The following GSE1 variants were observed in gnomAD, a reference collection of about 807,000 sequenced individuals.
GSE1 encodes the protein genetic suppressor element 1.
In GSE1, 32 loss-of-function variants were observed where a neutral mutation model predicts 112.6. That is an observed-to-expected ratio of 0.28 (90% CI 0.21 to 0.38). The LOEUF (loss-of-function observed/expected upper bound fraction) is 0.38, where lower values mean the gene tolerates loss of function less well. Among genes scored for constraint, GSE1 ranks in the 10% least tolerant of loss-of-function variants. The pLI, the probability that GSE1 is intolerant of heterozygous loss-of-function variation, is 1.00. For synonymous variants in GSE1, 1,115 were observed against 735.6 expected, an observed-to-expected ratio of 1.52 and a Z score of -8.35; for missense variants, 2,348 against 1,699.2, an observed-to-expected ratio of 1.38 and a Z score of -6.71.
chr16:85,376,145 C>A (rs1007359130), intron 2 of GSE1, among the ~76,000 whole-genome samples: 1 of 152,196 alleles, frequency 6.6e-6, no homozygotes, highest in Non-Finnish European at 1.5e-5. Flanking sequence ...TCTCTCTTTT[C>A]ATCCCCAGCC....
At chr16:85,644,580 G>C (rs546098150) in intron 2 of GSE1, among the ~76,000 whole-genome samples, 1 of 152,284 alleles carries the variant, frequency 6.6e-6, no homozygotes, top group African/African-American at 2.4e-5. Flanking sequence ...CCACGCGGTG[G>C]GATTCCCTTG....
chr16:85,461,003 G>A (rs879635260), intron 2 of GSE1, among the ~76,000 whole-genome samples: 2 of 152,238 alleles, frequency 1.3e-5, no homozygotes, highest in African/African-American at 2.4e-5. Context: ...ACGGCAGCCA[G>A]CCGGGTGGGA....
intron 1 of GSE1, among the ~76,000 whole-genome samples, chr16:85,342,384 G>A (rs2046642444): frequency 6.6e-6 from 1 of 152,306 alleles, no homozygotes; most frequent in East Asian, 1.9e-4. Context: ...TAATAGTCTA[G>A]TGATCACTTT....
intron 2 of GSE1, among the ~76,000 whole-genome samples, chr16:85,508,325 C>T (rs1376530103): frequency 2.0e-5 from 3 of 152,192 alleles, no homozygotes; most frequent in South Asian, 2.1e-4. Context: ...GGAGCCACCA[C>T]GCCCGGCCTC....
intron 1 of GSE1, among the ~76,000 whole-genome samples, chr16:85,569,214 C>T (rs1233703172): frequency 6.6e-6 from 1 of 152,222 alleles, no homozygotes; most frequent in Non-Finnish European, 1.5e-5. Context: ...GCTGTTCCTG[C>T]TGCCTAGAGC....
chr16:85,484,790 C>A (rs1008703818), intron 2 of GSE1, among the ~76,000 whole-genome samples: 1 of 152,242 alleles, frequency 6.6e-6, no homozygotes, highest in Admixed American at 6.5e-5. Flanking sequence ...CGGCTCTGTG[C>A]CTGGGGTGGC....
chr16:85,523,880 G>A (rs1416692889), intron 2 of GSE1, among the ~76,000 whole-genome samples: 2 of 152,242 alleles, frequency 1.3e-5, no homozygotes, highest in Non-Finnish European at 2.9e-5. Flanking sequence ...CGGGAGGCGG[G>A]GTCAACAGGC....
intron 2 of GSE1, among the ~76,000 whole-genome samples, chr16:85,465,605 C>T (rs1285090539): frequency 6.6e-6 from 1 of 152,194 alleles, no homozygotes; most frequent in Non-Finnish European, 1.5e-5. Context: ...ACCGTCTCCC[C>T]ATACTTCAAG....
chr16:85,340,175 C>T (rs1438885075), intron 1 of GSE1, among the ~76,000 whole-genome samples: 2 of 152,166 alleles, frequency 1.3e-5, no homozygotes, highest in Non-Finnish European at 2.9e-5. Context: ...CAGTGAGACC[C>T]CATCTATACA....
chr16:85,523,342 G>T (rs1364987674), intron 2 of GSE1, among the ~76,000 whole-genome samples: 1 of 152,190 alleles, frequency 6.6e-6, no homozygotes, highest in Admixed American at 6.5e-5. Context: ...CGTGCATGGG[G>T]CATCCTGCCT....
intron 1 of GSE1, among the ~76,000 whole-genome samples, chr16:85,329,152 C>G (rs1485449353): frequency 1.3e-5 from 2 of 152,206 alleles, no homozygotes; most frequent in Non-Finnish European, 2.9e-5. Context: ...GAGCCACAGC[C>G]TTGGCATCAA....
chr16:85,258,661 C>T (rs1301347283), intron 1 of GSE1, among the ~76,000 whole-genome samples: 2 of 152,098 alleles, frequency 1.3e-5, no homozygotes, highest in African/African-American at 4.8e-5. Context: ...AGAGGGTTGT[C>T]AAAGCGGTCG....
At chr16:85,613,102 GC>G, upstream of GSE1, 1 of 901,550 alleles carries the variant, frequency 1.1e-6, no homozygotes, top group Non-Finnish European at 1.5e-6. Context: ...CCGTCGGTGC[GC>G]GCGCGCGCGC....
rs893423961 is a variant in GSE1, at chr16:85,311,023, C to T, written c.2284-46440C>T. On this transcript the variant is annotated intron_variant, in intron 1 of 2. Coordinates refer to the GSE1 transcript ENST00000637419. This position sits in a 1 kb window ranked among gnomAD's most constrained non-coding sequence, Gnocchi z 4.2. Reference sequence around the variant, plus strand: ...TTGAGGCTAAATATAAACCCAGCCGCCTTTCCGCGGCCGTCAGCAATGGCC... The same window carrying T: ...TTGAGGCTAAATATAAACCCAGCCGTCTTTCCGCGGCCGTCAGCAATGGCC... 1.3e-5 allele frequency among the ~76,000 whole-genome samples: 2 copies of T among 152,238 alleles called. No individual in the cohort carries two copies. Among genetic ancestry groups the T allele is most frequent in the African/African-American group, 4.8e-5 (2 of 41,468 alleles).
chr16:85,258,828 C>A (rs907338864), intron 1 of GSE1, among the ~76,000 whole-genome samples: 1 of 152,190 alleles, frequency 6.6e-6, no homozygotes, highest in African/African-American at 2.4e-5. Context: ...TTGTGGTCCC[C>A]GTGCCCCAGC....
At chr16:85,340,833 G>A (rs1407308990) in intron 1 of GSE1, among the ~76,000 whole-genome samples, 2 of 152,116 alleles carry the variant, frequency 1.3e-5, no homozygotes, top group African/African-American at 2.4e-5. Flanking sequence ...GGGACGGTGC[G>A]AGGGTGGGCT....
At chr16:85,242,411 G>A (rs771711582) in intron 1 of GSE1, among the ~76,000 whole-genome samples, 10 of 152,256 alleles carry the variant, frequency 6.6e-5, no homozygotes, top group Non-Finnish European at 1.0e-4. Context: ...GCAGGACCAC[G>A]TGGAGCCAAG....
intron 1 of GSE1, among the ~76,000 whole-genome samples, chr16:85,206,510 A>G (rs188756619): frequency 2.6e-5 from 4 of 152,184 alleles, no homozygotes; most frequent in African/African-American, 7.2e-5. Flanking sequence ...TGGGGCCTGG[A>G]CACCCCCTCC....
At chr16:85,601,179 C>T (rs770732739) in intron 1 of GSE1, among the ~76,000 whole-genome samples, 5 of 152,048 alleles carry the variant, frequency 3.3e-5, no homozygotes, top group East Asian at 3.9e-4. Flanking sequence ...GACTGTGAGA[C>T]GCTTCCAGAC....
Sources: gnomAD v4.1 joint callset for allele counts (sites outside exome capture counted in the v4.1 genomes callset) on GRCh38, gnomAD v4.1.1 for gene constraint, Gnocchi (gnomAD v3.1) non-coding constraint, MANE v1.5 for transcripts, NCBI Gene and HGNC (gene_info 2026-07-23, HGNC 2026-07-21) for gene names.